TTN: variants seen among roughly 807,000 people sequenced by gnomAD.
TTN encodes connectin.
Under a neutral mutation model 3,223.0 loss-of-function variants are expected in TTN, and 1,525 were observed. The ratio of observed to expected loss-of-function variants is 0.47; its 90% confidence interval spans 0.45 to 0.49. The LOEUF (loss-of-function observed/expected upper bound fraction) is 0.49, where lower values mean the gene tolerates loss of function less well. Ranked by LOEUF, TTN falls within the 20% of genes least tolerant of loss-of-function variation. The pLI is 0.00. For synonymous variants in TTN, 14,094 were observed against 15,161.0 expected (o/e 0.93, Z 5.17); for missense variants, 40,786 against 43,424.0 (o/e 0.94, Z 5.40).
intron 22 of TTN, 110 bp from the exon 23 acceptor site, chr2:178,779,572 C>T: frequency 1.3e-6 from 1 of 760,972 alleles, no homozygotes; most frequent in Non-Finnish European, 2.1e-6. Context: ...GGAGAAGAAT[C>T]TAGAGGACTT....
rs1287893427 is a variant in TTN, at chr2:178,757,699, T to C, written c.10521A>G (p.Pro3507=). The C allele has an allele frequency of 6.2e-7, 1 of 1,613,828 alleles. No homozygotes were observed. The highest frequency in any genetic ancestry group is 8.5e-7 in the Non-Finnish European group (1 of 1,179,776). Residue 3507 remains proline (P), a synonymous_variant, in exon 45 of 363, where the codon CCA becomes CCG. Coordinates refer to ENST00000589042, the MANE Select transcript of TTN (RefSeq NM_001267550.2). ...QWFHNQQLIL[P]TKDVVFHFEE... ...CAAAATGGAAAACTACATCTTTTGT[T>C]GGTAGAATTAGCTGCTGGTTATGAA...
At chr2:178,772,359 A>G (rs1417349129) in intron 33 of TTN, among the ~76,000 whole-genome samples, 1 of 152,182 alleles carries the variant, frequency 6.6e-6, no homozygotes, top group Non-Finnish European at 1.5e-5. Context: ...TACTAGATGT[A>G]ATGGACAACA....
Position 178,563,297 on chromosome 2 carries a change from G to T in TTN, c.82835C>A (p.Ala27612Asp). The T allele has an allele frequency of 1.9e-6, 3 of 1,613,648 alleles. No homozygotes were observed. Among genetic ancestry groups the T allele is most frequent in the Non-Finnish European group, 2.5e-6 (3 of 1,179,710 alleles). Reference sequence around the variant, plus strand: ...GCAGGTTGTCCATTCATCCGCAGCAGCTTCTTTGACCTCTACAACATAGCC... The same window carrying T: ...GCAGGTTGTCCATTCATCCGCAGCATCTTCTTTGACCTCTACAACATAGCC... ...VKGYVVEVKEAAADEWTTCTP... is the reference protein window; with the variant it reads ...VKGYVVEVKEDAADEWTTCTP... Residue 27612 changes from alanine to aspartate, a missense_variant, in exon 326 of 363, where the codon GCT becomes GAT. Ala to Asp is a moderately radical substitution (Grantham distance 126). Transcript: ENST00000589042. This position sits in a 1 kb window ranked among gnomAD's most constrained non-coding sequence, Gnocchi z 4.5.
At position 178,584,255 on chromosome 2, in the gene TTN, T is replaced by TA. The variant is rs747219831; in HGVS notation, c.65275+20dup. ...CATAATACTAAAACAACAACAACAATAAAAAAACCCCAAAACTTACCAACT... is the reference window on the plus strand; with the variant it reads ...CATAATACTAAAACAACAACAACAATAAAAAAAACCCCAAAACTTACCAACT... On this transcript the variant is annotated intron_variant, in intron 311 of 362. Coordinates refer to ENST00000589042, the MANE Select transcript of TTN (RefSeq NM_001267550.2). The TA allele has an allele frequency of 1.1e-4, 173 of 1,523,490 alleles. No individual in the cohort carries two copies. The South Asian group carries it at 1.6e-3, about 14-fold the overall frequency. 94.4% of individuals were successfully genotyped at this position (1,523,490 alleles called of 1,614,324 possible).
At position 178,646,040 on chromosome 2, in the gene TTN, G is replaced by A. The variant is rs2061879281; in HGVS notation, c.40298-10C>T. 1 of 1,507,328 alleles carries A rather than the reference G, an allele frequency of 6.6e-7. No homozygotes were observed. 93.4% of individuals were successfully genotyped at this position (1,507,328 alleles called of 1,614,324 possible). A position where few individuals can be genotyped will look rare whatever the true frequency, so the allele number is the denominator to read the frequency against. ...TTTTCAGGTTCAGGTTCTTGAAAGA[G>A]TATTTCAGAGGTGTTAGTATATGTA... On this transcript the variant is annotated splice_polypyrimidine_tract_variant and intron_variant, in intron 216 of 362. Transcript: ENST00000589042.
intron 47 of TTN, chr2:178,747,370 T>C: frequency 1.2e-6 from 2 of 1,613,330 alleles, no homozygotes; most frequent in South Asian, 1.1e-5. Flanking sequence ...TAGTTATATC[T>C]GAAGGATTAA....
rs779342259 is a variant in TTN, at chr2:178,533,664, T to C, written c.102951A>G (p.Gln34317=). The C allele has an allele frequency of 6.2e-7, 1 of 1,613,996 alleles. No homozygotes were observed. The highest frequency in any genetic ancestry group is 8.5e-7 in the Non-Finnish European group (1 of 1,179,874). The change falls in exon 358 of 363, where the codon CAA becomes CAG. Residue 34317 remains glutamine, a synonymous_variant. Transcript: ENST00000589042. ...CTGTAGTGACACTGTTGATTGTTAA[T>C]TGGTAAAGACCCTTGTCTGACTCAA... The part of the protein sequence containing the change: ...YTFESDKGLY[Q]LTINSVTTDD...
At position 178,575,390 on chromosome 2, in the gene TTN, T is replaced by C; in HGVS notation, c.70742A>G (p.His23581Arg). 6.2e-7 allele frequency: 1 copy of C among 1,613,636 alleles called. No individual in the cohort carries two copies. The highest frequency in any genetic ancestry group is 8.5e-7 in the Non-Finnish European group (1 of 1,179,676). ...AQRKGSDQWT[H>R]ITTVKGLECV... ...TTCTAACCCTTTCACGGTTGTGATG[T>C]GGGTCCACTGGTCAGAGCCTTTTCT... The change falls in exon 326 of 363, where the codon CAC becomes CGC. Residue 23581 changes from histidine (H) to arginine (R), a missense_variant. By Grantham distance (29) the His-to-Arg change is conservative (BLOSUM62 0). Transcript: ENST00000589042. This position sits in a 1 kb window ranked among gnomAD's most constrained non-coding sequence, Gnocchi z 4.0.
rs1394280644 is a variant in TTN, at chr2:178,764,800, G to A, written c.9715C>T (p.Pro3239Ser). The change falls in exon 42 of 363, where the codon CCC (proline) becomes TCC (serine). Residue 3239 changes from proline (P) to serine (S), a missense_variant. Transcript: ENST00000589042. ...GGCTGGAGCTCCTGCAGAACTTGGG[G>A]CGGTTCAGGAGCTAGGAGTAAATGT... is the stretch of plus-strand genomic sequence containing the variant. Reference protein sequence around the residue: ...VTLYVNAPEPPQVLQELQPVT... With the variant: ...VTLYVNAPEPSQVLQELQPVT... 6.2e-7 allele frequency: 1 copy of A among 1,613,198 alleles called. No homozygotes were observed. Among genetic ancestry groups the A allele is most frequent in the Admixed American group, 1.7e-5 (1 of 60,008 alleles).
At chr2:178,735,463 G>C in intron 50 of TTN, 48 bp downstream of exon 50, 1 of 1,477,106 alleles carries the variant, frequency 6.8e-7, no homozygotes, top group African/African-American at 1.4e-5. Flanking sequence ...TTCTACTGAG[G>C]ATTCCTTGCA....
At position 178,575,123 on chromosome 2, in the gene TTN, C is replaced by G; in HGVS notation, c.71009G>C (p.Gly23670Ala). Reference sequence around the variant, plus strand: ...CTGTGTCTGTTTAAGAATTTGGTCTCCTTTTTTCCATGTCACTGTGGGCTT... The same window carrying G: ...CTGTGTCTGTTTAAGAATTTGGTCTGCTTTTTTCCATGTCACTGTGGGCTT... ...RPKPTVTWKK[G>A]DQILKQTQRV... The change falls in exon 326 of 363, where the codon GGA (glycine) becomes GCA (alanine). Residue 23670 changes from glycine to alanine, a missense_variant. Physicochemically the swap from Gly to Ala is moderately conservative, Grantham distance 60. Transcript: ENST00000589042. This position sits in a 1 kb window ranked among gnomAD's most constrained non-coding sequence, Gnocchi z 4.0. 1 of 1,612,942 alleles carries G rather than the reference C, an allele frequency of 6.2e-7. No individual in the cohort carries two copies. Among genetic ancestry groups the G allele is most frequent in the Non-Finnish European group, 8.5e-7 (1 of 1,179,426 alleles).
rs1398776954 is a variant in TTN, at chr2:178,577,004, T to C, written c.69331A>G (p.Ile23111Val). The C allele has an allele frequency of 5.0e-6, 8 of 1,613,486 alleles. No individual in the cohort carries two copies. The highest frequency in any genetic ancestry group is 6.8e-6 in the Non-Finnish European group (8 of 1,179,566). Residue 23111 changes from isoleucine to valine, a missense_variant, in exon 324 of 363, where the codon ATC becomes GTC. Ile to Val is a conservative substitution (Grantham distance 29). Coordinates refer to ENST00000589042, the MANE Select transcript of TTN (RefSeq NM_001267550.2). Reference sequence around the variant, plus strand: ...TGGTTTACAGCTGAGACCCGGAAGATGTACTCATTTCCTTGGATAAGTTTG... The same window carrying C: ...TGGTTTACAGCTGAGACCCGGAAGACGTACTCATTTCCTTGGATAAGTTTG... ...ATKLIQGNEYIFRVSAVNHYG... is the reference protein window; with the variant it reads ...ATKLIQGNEYVFRVSAVNHYG...
Position 178,549,084 on chromosome 2 carries a change from C to T in TTN, c.92542G>A (p.Asp30848Asn). The T allele has an allele frequency of 1.2e-6, 2 of 1,613,898 alleles. No individual in the cohort carries two copies. The highest frequency in any genetic ancestry group is 1.7e-5 in the Admixed American group (1 of 60,002). ...VSLEWSKPVF[D>N]GGMEIIGYII... is the part of the protein sequence containing the mutation. ...TACCCAATTATTTCCATGCCACCAT[C>T]AAACACTGGTTTGGACCATTCTAAG... The change falls in exon 339 of 363, where the codon GAT (aspartate) becomes AAT (asparagine). Residue 30848 changes from aspartate (D) to asparagine (N), a missense_variant. By Grantham distance (23) the Asp-to-Asn change is conservative. Transcript: ENST00000589042.
intron 326 of TTN, 27 bp from the exon 327 acceptor site, chr2:178,558,664 G>A (rs1702407352): frequency 1.9e-6 from 3 of 1,599,906 alleles, no homozygotes; most frequent in South Asian, 1.1e-5. Context: ...TCAAAAGAAA[G>A]TGAATAATTA....
At chr2:178,637,935 T>C (rs2060706956) in intron 223 of TTN, among the ~76,000 whole-genome samples, 1 of 152,036 alleles carries the variant, frequency 6.6e-6, no homozygotes, top group Admixed American at 6.6e-5. Context: ...TCTTTGAAGA[T>C]TTCCTTTAGA....
At position 178,741,051 on chromosome 2, in the gene TTN, G is replaced by A; in HGVS notation, c.12182C>T (p.Ala4061Val). The A allele has an allele frequency of 6.2e-7, 1 of 1,613,906 alleles. No individual in the cohort carries two copies. Among genetic ancestry groups the A allele is most frequent in the Non-Finnish European group, 8.5e-7 (1 of 1,179,834 alleles). Residue 4061 changes from alanine (A) to valine (V), a missense_variant, in exon 48 of 363, where the codon GCA becomes GTA. Transcript: ENST00000589042. ...DFPQTPLKGP[A>V]VEALDSEQEI... is the part of the protein sequence containing the mutation. The stretch of plus-strand genomic sequence containing the variant: ...CTGCTCTGAGTCAAGTGCTTCAACT[G>A]CGGGACCCTTTAAGGGTGTCTGTGG...
At chr2:178,745,298 G>T (rs780578454) in intron 47 of TTN, 3 of 1,248,548 alleles carry the variant, frequency 2.4e-6, no homozygotes, top group Non-Finnish European at 3.0e-6. Context: ...AGGCATGAGG[G>T]TAAATAGAAG....
At position 178,621,745 on chromosome 2, in the gene TTN, C is replaced by T. The variant is rs769690321; in HGVS notation, c.45083-4G>A. 1.9e-6 allele frequency: 3 copies of T among 1,609,496 alleles called. No individual in the cohort carries two copies. The South Asian group carries it at 3.3e-5, about 18-fold the overall frequency. On this transcript the variant is annotated splice_region_variant and splice_polypyrimidine_tract_variant and intron_variant, in intron 244 of 362. Coordinates refer to ENST00000589042, the MANE Select transcript of TTN (RefSeq NM_001267550.2). ...TTGGTAAAGACAGCTTCTTCTTCTGCAAGCATTGAAAAAACAAAAACCACA... is the reference window on the plus strand; with the variant it reads ...TTGGTAAAGACAGCTTCTTCTTCTGTAAGCATTGAAAAAACAAAAACCACA...
Position 178,607,561 on chromosome 2 carries a change from T to C in TTN, c.53127A>G (p.Glu17709=), listed in dbSNP as rs2055198035. The C allele has an allele frequency of 1.2e-6, 2 of 1,613,106 alleles. No individual in the cohort carries two copies. The highest frequency in any genetic ancestry group is 1.7e-6 in the Non-Finnish European group (2 of 1,179,406). ...CACGGTCTTTATCCAGCTCCCCTTC[T>C]TCTTTGGTCCATACTTTTGTAGGTA... ...RPVPTKVWTK[E]EGELDKDRVV... is the part of the protein sequence containing the mutation. The change falls in exon 277 of 363, where the codon GAA becomes GAG. Residue 17709 remains glutamate (E), a synonymous_variant. Coordinates refer to ENST00000589042, the MANE Select transcript of TTN (RefSeq NM_001267550.2).
Sources: gnomAD v4.1 joint callset for allele counts (sites outside exome capture counted in the v4.1 genomes callset) on GRCh38, gnomAD v4.1.1 for gene constraint, Gnocchi (gnomAD v3.1) non-coding constraint, MANE v1.5 for transcripts, NCBI Gene and HGNC (gene_info 2026-07-23, HGNC 2026-07-21) for gene names.